The following SLBP variants were observed in gnomAD, a reference collection of about 807,000 sequenced individuals.
SLBP encodes the protein stem-loop histone mRNA binding protein.
Under a neutral mutation model 39.2 loss-of-function variants are expected in SLBP, and 29 were observed. The ratio of observed to expected loss-of-function variants is 0.74; its 90% CI spans 0.55 to 1.01. The LOEUF is 1.01. SLBP is among the 50% of genes least tolerant of loss of function. The pLI is 0.00. For missense variants in SLBP, 390 were observed against 350.2 expected (o/e 1.11, Z -0.91); for synonymous variants, 129 against 118.7 (o/e 1.09, Z -0.57).
chr4:1,694,760 T>C lies in SLBP; in HGVS notation c.696+14A>G, dbSNP rs1210333137. ...TGCAACCCCCAAGCTGAAAGACTTA[T>C]CCAAAGTACTTACAAAGTCATCCTG... On this transcript the variant is annotated intron_variant, in intron 7 of 7. Transcript: ENST00000489418. 3.1e-6 allele frequency: 5 copies of C among 1,596,660 alleles called. No homozygotes were observed. The highest frequency in any genetic ancestry group is 3.4e-6 in the Non-Finnish European group (4 of 1,163,958).
chr4:1,694,909 A>T (rs1716051484), intron 6 of SLBP, 69 bp from the exon 7 acceptor site: 1 of 1,050,240 alleles, frequency 9.5e-7, no homozygotes, highest in Non-Finnish European at 1.5e-6. Flanking sequence ...GGCGCTACAG[A>T]CAAACCCCAT....
chr4:1,694,057 C>T (rs969874109), intron 7 of SLBP, among the ~76,000 whole-genome samples: 1 of 152,200 alleles, frequency 6.6e-6, no homozygotes, highest in Admixed American at 6.5e-5. Context: ...GGACAGGAGA[C>T]AGTATTTAAA....
At chr4:1,707,854 G>A (rs548619141) in intron 2 of SLBP, among the ~76,000 whole-genome samples, 18 of 152,264 alleles carry the variant, frequency 1.2e-4, no homozygotes, top group Admixed American at 5.9e-4. Flanking sequence ...GCTAAAGCAG[G>A]CTGATCACTA....
At chr4:1,703,738 T>TA in intron 2 of SLBP, 38 bp from the exon 3 acceptor site, 1 of 1,353,286 alleles carries the variant, frequency 7.4e-7, no homozygotes, top group Non-Finnish European at 1.1e-6. Flanking sequence ...CCATGACACA[T>TA]ACTTTGTTTT....
At chr4:1,696,826 G>A (rs1403566960) in intron 5 of SLBP, among the ~76,000 whole-genome samples, 4 of 151,644 alleles carry the variant, frequency 2.6e-5, no homozygotes, top group Admixed American at 6.6e-5. Flanking sequence ...GAACCCGGGA[G>A]GCAGAGCTTG....
chr4:1,699,257 T>C (rs149828604), intron 5 of SLBP, among the ~76,000 whole-genome samples: 14 of 152,338 alleles, frequency 9.2e-5, no homozygotes, highest in African/African-American at 3.1e-4. Context: ...AATATTTAAC[T>C]TGAACTTCAT....
In SLBP at chr4:1,699,617, G is replaced by T; in HGVS notation, c.426C>A (p.Ile142=). ...AGGCAATTGTGTTCTTCCCATAGTT[G>T]ATCTGCTTCTGTCTCCTCATTAGGA... ...ESVLMRRQKQ[I]NYGKNTIAYD... The change falls in exon 5 of 8, where the codon ATC becomes ATA. Residue 142 remains isoleucine, a synonymous_variant. Transcript: ENST00000489418. 1 of 1,613,612 alleles carries T rather than the reference G, an allele frequency of 6.2e-7. No individual in the cohort carries two copies. The highest frequency in any genetic ancestry group is 8.5e-7 in the Non-Finnish European group (1 of 1,179,540).
Position 1,703,815 on chromosome 4 carries a change from C to T in SLBP, c.177-115G>A, listed in dbSNP as rs1716420045. ...ACACAGTGGCTTGTGCCTGTAATACCAGCACTTTGGAAACTGAGGTAGGAG... is the reference window on the plus strand; with the variant it reads ...ACACAGTGGCTTGTGCCTGTAATACTAGCACTTTGGAAACTGAGGTAGGAG... On this transcript the variant is annotated intron_variant, in intron 2 of 7. Coordinates refer to ENST00000489418, the MANE Select transcript of SLBP (RefSeq NM_006527.4). 4 of 774,972 alleles carry T rather than the reference C, an allele frequency of 5.2e-6. No individual in the cohort carries two copies. In the Admixed American group the frequency reaches 5.9e-5, roughly 11 times the overall value. 48.0% of individuals were successfully genotyped at this position (774,972 alleles called of 1,614,324 possible).
chr4:1,697,024 G>A (rs1716133320), intron 5 of SLBP, among the ~76,000 whole-genome samples: 1 of 151,906 alleles, frequency 6.6e-6, no homozygotes. Context: ...CAGTCATGGT[G>A]GCTTATGCCT....
chr4:1,696,072 C>T, intron 6 of SLBP, 130 bp downstream of exon 6: 1 of 652,720 alleles, frequency 1.5e-6, no homozygotes, highest in Non-Finnish European at 2.5e-6. Flanking sequence ...CACCGAGCTG[C>T]AGCAGCTGCT....
chr4:1,711,213 G>A (rs1716755259), intron 2 of SLBP, among the ~76,000 whole-genome samples: 2 of 151,252 alleles, frequency 1.3e-5, no homozygotes, highest in Admixed American at 6.6e-5. Context: ...CACAGGTCCT[G>A]CCTTCAGAAG....
At position 1,696,325 on chromosome 4, in the gene SLBP, G is replaced by A; in HGVS notation, c.506C>T (p.Pro169Leu). 1 of 1,591,014 alleles carries A rather than the reference G, an allele frequency of 6.3e-7. No homozygotes were observed. The highest frequency in any genetic ancestry group is 8.6e-7 in the Non-Finnish European group (1 of 1,169,470). ...PRHLRQPGIH[P>L]KTPNKFKKYS... ...CTTCTTAAATTTATTAGGGGTCTTG[G>A]GATGAATGCCAGGTTGTCGAAGGTG... Residue 169 changes from proline (P) to leucine (L), a missense_variant, in exon 6 of 8, where the codon CCC (proline) becomes CTC (leucine). Pro to Leu is a moderately conservative substitution (Grantham distance 98). Transcript: ENST00000489418.
intron 2 of SLBP, among the ~76,000 whole-genome samples, chr4:1,708,788 C>A (rs1028422881): frequency 6.6e-6 from 1 of 152,228 alleles, no homozygotes; most frequent in Non-Finnish European, 1.5e-5. Flanking sequence ...TATCCATCAA[C>A]GAGCTGGCTC....
intron 3 of SLBP, among the ~76,000 whole-genome samples, chr4:1,702,449 A>G (rs907121199): frequency 4.6e-5 from 7 of 152,214 alleles, no homozygotes; most frequent in African/African-American, 1.7e-4. Context: ...TGCCAAAATG[A>G]AAACAGGTAG....
At chr4:1,700,292 A>G (rs1191566776) in intron 3 of SLBP, among the ~76,000 whole-genome samples, 1 of 152,150 alleles carries the variant, frequency 6.6e-6, no homozygotes, top group African/African-American at 2.4e-5. Context: ...AAGAAAAACA[A>G]AACATAAATT....
At chr4:1,698,259 C>T (rs934620553) in intron 5 of SLBP, among the ~76,000 whole-genome samples, 1 of 151,356 alleles carries the variant, frequency 6.6e-6, no homozygotes, top group Non-Finnish European at 1.5e-5. Context: ...GCAGGAGAAT[C>T]GCTTGAACCC....
At chr4:1,694,438 C>T (rs1443179074) in intron 7 of SLBP, among the ~76,000 whole-genome samples, 1 of 149,736 alleles carries the variant, frequency 6.7e-6, no homozygotes, top group African/African-American at 2.5e-5. Flanking sequence ...GTTGCCCAGG[C>T]TGGAGTGCAA....
At chr4:1,709,050 T>C (rs1038529702) in intron 2 of SLBP, among the ~76,000 whole-genome samples, 1 of 151,808 alleles carries the variant, frequency 6.6e-6, no homozygotes, top group Non-Finnish European at 1.5e-5. Context: ...TACCCACCCG[T>C]AGACCCAAGT....
chr4:1,699,967 A>G (rs1404436235), intron 4 of SLBP, 44 bp downstream of exon 4: 3 of 1,357,964 alleles, frequency 2.2e-6, no homozygotes, highest in African/African-American at 1.5e-5. Context: ...TTAACAAATT[A>G]CAGGTCTATC....
Sources: allele counts gnomAD v4.1 joint callset (sites outside exome capture counted in the v4.1 genomes callset), GRCh38; gene constraint gnomAD v4.1.1; transcripts MANE v1.5; gene names NCBI Gene and HGNC (gene_info 2026-07-23, HGNC 2026-07-21).